Variants in TRAIP observed in about 807,000 individuals in gnomAD.
TRAIP encodes E3 ubiquitin-protein ligase TRAIP.
TRAIP carries 37 observed loss-of-function variants against 65.0 expected under a neutral mutation model. The observed-to-expected ratio is 0.57, with a 90% CI of 0.44 to 0.75. The LOEUF is 0.75. TRAIP is among the 30% of genes least tolerant of loss of function. The probability of loss-of-function intolerance (pLI) is 0.00; values close to 1 mark genes in which losing one functional copy is unlikely to be tolerated. For synonymous variants in TRAIP, 187 were observed against 219.1 expected (o/e 0.85, Z 1.29); for missense variants, 481 against 579.4 (o/e 0.83, Z 1.74).
chr3:49,840,428 C>T, intron 8 of TRAIP, 55 bp from the exon 9 acceptor site: 4 of 1,437,394 alleles, frequency 2.8e-6, no homozygotes, highest in Non-Finnish European at 2.9e-6. Context: ...TTGTGCCCTG[C>T]CCCCTCCTGC....
intron 5 of TRAIP, 172 bp downstream of exon 5, chr3:49,843,629 G>A: frequency 1.2e-6 from 1 of 826,810 alleles, no homozygotes; most frequent in Middle Eastern, 2.7e-4. Flanking sequence ...TTATGGGATG[G>A]ATGGGTACAG....
At chr3:49,854,339 C>T (rs1428004852) in intron 1 of TRAIP, among the ~76,000 whole-genome samples, 2 of 151,830 alleles carry the variant, frequency 1.3e-5, no homozygotes, top group South Asian at 2.1e-4. Flanking sequence ...ATAACACCAA[C>T]GAAAAAAATA....
intron 10 of TRAIP, among the ~76,000 whole-genome samples, chr3:49,838,371 A>C (rs2081805903): frequency 6.6e-6 from 1 of 152,222 alleles, no homozygotes; most frequent in Non-Finnish European, 1.5e-5. Flanking sequence ...AAGCTTACTC[A>C]GAATGAGGTG....
At chr3:49,843,139 G>T in intron 5 of TRAIP, 1 of 154,542 alleles carries the variant, frequency 6.5e-6, no homozygotes, top group Non-Finnish European at 1.4e-5. Flanking sequence ...GAATATCCTG[G>T]GGCCTTGTCT....
chr3:49,847,083 A>T (rs2081889559), intron 3 of TRAIP, among the ~76,000 whole-genome samples: 1 of 151,882 alleles, frequency 6.6e-6, no homozygotes, highest in Admixed American at 6.6e-5. Context: ...GGGAGGCTGA[A>T]GCAGGAGAAT....
At chr3:49,840,895 T>A in intron 8 of TRAIP, 90 bp downstream of exon 8, 1 of 1,236,124 alleles carries the variant, frequency 8.1e-7, no homozygotes, top group Non-Finnish European at 1.2e-6. Flanking sequence ...AGCTGTGCCA[T>A]CAGGTCCCAT....
chr3:49,834,521 T>G (rs1315156863), intron 10 of TRAIP, among the ~76,000 whole-genome samples: 1 of 152,194 alleles, frequency 6.6e-6, no homozygotes, highest in African/African-American at 2.4e-5. Context: ...CCCATCCTAA[T>G]CTGCATTGGT....
Position 49,840,340 on chromosome 3 carries a change from T to A in TRAIP, c.739A>T (p.Lys247Ter), listed in dbSNP as rs201478874. Residue 247 changes from lysine (K) to a stop codon, truncating the protein, a stop_gained, in exon 9 of 15, where the codon AAG becomes TAG. Transcript: ENST00000331456. LOFTEE classifies it high-confidence loss of function. Reference sequence around the variant, plus strand: ...TTCTGGGCTGACTTCAGTTCTAACTTGGCCTGATCCAATTCAGAGTAGACT... The same window carrying A: ...TTCTGGGCTGACTTCAGTTCTAACTAGGCCTGATCCAATTCAGAGTAGACT... ...QTVYSELDQAKLELKSAQKDL... is the reference protein window; with the variant it reads ...QTVYSELDQA 1 of 1,614,064 alleles carries A rather than the reference T, an allele frequency of 6.2e-7. No individual in the cohort carries two copies. The highest frequency in any genetic ancestry group is 1.3e-5 in the African/African-American group (1 of 74,930).
intron 7 of TRAIP, 80 bp downstream of exon 7, chr3:49,841,746 A>C (rs2081841110): frequency 8.7e-7 from 1 of 1,143,140 alleles, no homozygotes; most frequent in Non-Finnish European, 1.3e-6. Context: ...CATCTGCTTT[A>C]CAAGAGATGG....
At position 49,830,143 on chromosome 3, in the gene TRAIP, C is replaced by CCGGG. The variant is rs1178526954; in HGVS notation, c.1038-76_1038-75insCCCG. On this transcript the variant is annotated intron_variant, in intron 11 of 14. Transcript: ENST00000331456. ...CAGGTGAACCAGGCTCAGCACACGC[C>CCGGG]CCTTGGGGAGTTACCATGTGGCACT... The CCGGG allele has an allele frequency of 8.5e-6, 13 of 1,523,762 alleles. No homozygotes were observed. The East Asian group carries it at 2.7e-4, about 32-fold the overall frequency. 94.4% of individuals were successfully genotyped at this position (1,523,762 alleles called of 1,614,324 possible).
In TRAIP at chr3:49,839,863, T is replaced by C. The variant is rs766123863; in HGVS notation, c.796-3A>G. On this transcript the variant is annotated splice_polypyrimidine_tract_variant and splice_region_variant and intron_variant, in intron 9 of 14. Transcript: ENST00000331456. ...ATCGTTAGCTTCTTTTTCAGGCTCTTGGGGAGGGAAAGAAAAGTGTGTGAG... is the reference window on the plus strand; with the variant it reads ...ATCGTTAGCTTCTTTTTCAGGCTCTCGGGGAGGGAAAGAAAAGTGTGTGAG... 11 of 1,614,086 alleles carry C rather than the reference T, an allele frequency of 6.8e-6. No individual in the cohort carries two copies. Among genetic ancestry groups the C allele is most frequent in the Non-Finnish European group, 8.5e-6 (10 of 1,179,956 alleles).
rs899997301 is a variant in TRAIP at position 49,844,635 on chromosome 3, G to A, written c.241-55C>T. Reference sequence around the variant, plus strand: ...GGAAAGCATCATAGCTGACCTCCACGTGGTCTCCCATAAGGCTGTGGGGAG... The same window carrying A: ...GGAAAGCATCATAGCTGACCTCCACATGGTCTCCCATAAGGCTGTGGGGAG... On this transcript the variant is annotated intron_variant, in intron 3 of 14. Transcript: ENST00000331456. The A allele has an allele frequency of 2.0e-5, 32 of 1,606,270 alleles. 1 individual carries two copies. Among genetic ancestry groups the A allele is most frequent in the African/African-American group, 9.4e-5 (7 of 74,744 alleles).
At chr3:49,831,829 C>G in intron 11 of TRAIP, 87 bp downstream of exon 11, 1 of 1,377,048 alleles carries the variant, frequency 7.3e-7, no homozygotes, top group Non-Finnish European at 9.5e-7. Flanking sequence ...CCCCATCAGC[C>G]ACTCAGAGCT....
chr3:49,829,909 C>T (rs888286869), intron 12 of TRAIP, 111 bp downstream of exon 12: 14 of 1,581,340 alleles, frequency 8.9e-6, no homozygotes, highest in African/African-American at 8.1e-5. Context: ...AGGGTGGCTC[C>T]GAAGTACCTC....
Position 49,843,836 on chromosome 3 carries a change from A to T in TRAIP, c.373T>A (p.Leu125Met). ...GAGCACAGCATCTCGGCCTTGCCCAAGGCCTGCTGCAGAGATACCACAGTA... is the reference window on the plus strand; with the variant it reads ...GAGCACAGCATCTCGGCCTTGCCCATGGCCTGCTGCAGAGATACCACAGTA... ...NATVVSLQQA[L>M]GKAEMLCSTL... The change falls in exon 5 of 15, where the codon TTG becomes ATG. Residue 125 changes from leucine to methionine, a missense_variant. Leu to Met is a conservative substitution (Grantham distance 15). Transcript: ENST00000331456. 6.2e-7 allele frequency: 1 copy of T among 1,613,880 alleles called. No homozygotes were observed. The highest frequency in any genetic ancestry group is 8.5e-7 in the Non-Finnish European group (1 of 1,179,724).
At position 49,829,110 on chromosome 3, in the gene TRAIP, C is replaced by T; in HGVS notation, c.1403G>A (p.Trp468Ter). 6.2e-7 allele frequency: 1 copy of T among 1,614,202 alleles called. No individual in the cohort carries two copies. Among genetic ancestry groups the T allele is most frequent in the Non-Finnish European group, 8.5e-7 (1 of 1,180,028 alleles). ...LFQAKLDTFL[W>*]S Reference sequence around the variant, plus strand: ...TGGTCAGACTCACTGTTCTCACGACCACAGGAAGGTGTCCAGCTTGGCCTG... The same window carrying T: ...TGGTCAGACTCACTGTTCTCACGACTACAGGAAGGTGTCCAGCTTGGCCTG... The change falls in exon 15 of 15, where the codon TGG becomes TAG. Residue 468 changes from tryptophan to a stop codon, truncating the protein, a stop_gained. Coordinates refer to ENST00000331456, the MANE Select transcript of TRAIP (RefSeq NM_005879.3). LOFTEE classifies it high-confidence loss of function.
intron 10 of TRAIP, among the ~76,000 whole-genome samples, chr3:49,835,825 G>A (rs2081781321): frequency 6.6e-6 from 1 of 151,460 alleles, no homozygotes; most frequent in Non-Finnish European, 1.5e-5. Flanking sequence ...TGTAGTCCCA[G>A]CTACTCGGGA....
chr3:49,828,969 C>G lies in TRAIP; in HGVS notation c.*134G>C. The G allele has an allele frequency of 7.9e-7, 1 of 1,268,256 alleles. No individual in the cohort carries two copies. Among genetic ancestry groups the G allele is most frequent in the Non-Finnish European group, 1.1e-6 (1 of 889,824 alleles). 78.6% of individuals were successfully genotyped at this position (1,268,256 alleles called of 1,614,324 possible). A position where few individuals can be genotyped will look rare whatever the true frequency, so the allele number is the denominator to read the frequency against. ...AGCAGTCTCTGGGTGCCACACTCAC[C>G]CTCACCTGTTTGTCTGCCCTTACAC... On this transcript the variant is annotated 3_prime_UTR_variant, in exon 15 of 15. Coordinates refer to ENST00000331456, the MANE Select transcript of TRAIP (RefSeq NM_005879.3).
intron 1 of TRAIP, among the ~76,000 whole-genome samples, chr3:49,850,681 G>C (rs2081922888): frequency 8.6e-6 from 1 of 116,652 alleles, no homozygotes; most frequent in Non-Finnish European, 1.7e-5. Context: ...TTGAGACAGA[G>C]TCTTGCTCTG....
Sources: gnomAD v4.1 joint callset for allele counts (sites outside exome capture counted in the v4.1 genomes callset) on GRCh38, gnomAD v4.1.1 for gene constraint, MANE v1.5 for transcripts, NCBI Gene and HGNC (gene_info 2026-07-23, HGNC 2026-07-21) for gene names.